Variants in GRIN2A observed in about 807,000 individuals in gnomAD.
The protein encoded by GRIN2A is glutamate ionotropic receptor NMDA type subunit 2A, also known as glutamate receptor ionotropic, NMDA 2A.
A neutral mutation model predicts 113.4 loss-of-function variants in GRIN2A; 22 were observed. That is an observed-to-expected ratio of 0.19 (90% CI 0.14 to 0.28). The LOEUF is 0.28. Among genes scored for constraint, GRIN2A ranks in the 10% least tolerant of loss-of-function variants. GRIN2A has a pLI of 1.00. For synonymous variants in GRIN2A, 827 were observed against 738.4 expected, an observed-to-expected ratio of 1.12 and a Z score of -1.94; for missense variants, 1,502 against 1,887.0, an observed-to-expected ratio of 0.80 and a Z score of 3.78.
chr16:10,018,641 A>G (rs1027321768), intron 2 of GRIN2A, among the ~76,000 whole-genome samples: 2 of 152,138 alleles, frequency 1.3e-5, no homozygotes, highest in South Asian at 4.1e-4. Flanking sequence ...GGGAAACTCT[A>G]TCCAGGGAGG....
chr16:10,052,093 T>C (rs1052431220), intron 2 of GRIN2A, among the ~76,000 whole-genome samples: 2 of 152,230 alleles, frequency 1.3e-5, no homozygotes, highest in African/African-American at 4.8e-5. Flanking sequence ...TAGTGGCCAG[T>C]AGACAATGGC....
intron 3 of GRIN2A, among the ~76,000 whole-genome samples, chr16:9,918,854 A>G (rs2044304230): frequency 6.6e-6 from 1 of 152,056 alleles, no homozygotes; most frequent in South Asian, 2.1e-4. Flanking sequence ...AACAAAATTA[A>G]ACCACTACGG....
Position 9,761,268 on chromosome 16 carries a change from G to A in GRIN2A, c.*1881C>T. 4.3e-6 allele frequency: 1 copy of A among 230,430 alleles called. No individual in the cohort carries two copies. The highest frequency in any genetic ancestry group is 8.6e-6 in the Non-Finnish European group (1 of 116,316). The allele number at this position is 230,430 out of a possible 1,614,324, so 14.3% of individuals were successfully genotyped here. A position where few individuals can be genotyped will look rare whatever the true frequency, so the allele number is the denominator to read the frequency against. ...ATCCCTGACACTTGCCCACATGCAA[G>A]AAAATAATACTTACAAAACAGAACG... is the stretch of plus-strand genomic sequence containing the variant. On this transcript the variant is annotated 3_prime_UTR_variant, in exon 13 of 13. Transcript: ENST00000330684.
intron 4 of GRIN2A, among the ~76,000 whole-genome samples, chr16:9,872,662 C>T (rs893003939): frequency 9.2e-5 from 14 of 152,120 alleles, no homozygotes; most frequent in African/African-American, 2.7e-4. Context: ...AATCCAATCA[C>T]GTCTTTTGCA....
intron 2 of GRIN2A, among the ~76,000 whole-genome samples, chr16:10,155,788 C>A (rs970005570): frequency 6.6e-6 from 1 of 152,120 alleles, no homozygotes; most frequent in African/African-American, 2.4e-5. Context: ...GGGGAACTCC[C>A]ATTTATAAAA....
intron 2 of GRIN2A, among the ~76,000 whole-genome samples, chr16:10,095,536 A>G (rs1218074306): frequency 6.6e-6 from 1 of 152,250 alleles, no homozygotes; most frequent in Non-Finnish European, 1.5e-5. Context: ...AGAAAACATC[A>G]ATGGATGCTA....
intron 10 of GRIN2A, among the ~76,000 whole-genome samples, chr16:9,811,198 A>G (rs542312726): frequency 6.6e-6 from 1 of 152,304 alleles, no homozygotes; most frequent in South Asian, 2.1e-4. Flanking sequence ...CGACCTTGTA[A>G]CAGATAGGTA....
At chr16:10,097,190 G>A (rs748606566) in intron 2 of GRIN2A, among the ~76,000 whole-genome samples, 3 of 152,086 alleles carry the variant, frequency 2.0e-5, no homozygotes, top group Non-Finnish European at 4.4e-5. Context: ...TGGTCTTCGT[G>A]GTATATATTT....
chr16:10,004,065 T>C (rs2046365203), intron 2 of GRIN2A, among the ~76,000 whole-genome samples: 1 of 151,934 alleles, frequency 6.6e-6, no homozygotes, highest in Admixed American at 6.6e-5. Context: ...GCTGGGAAAG[T>C]TTCACGGAGA....
chr16:10,123,775 A>C (rs959049391), intron 2 of GRIN2A, among the ~76,000 whole-genome samples: 2 of 152,114 alleles, frequency 1.3e-5, no homozygotes, highest in African/African-American at 4.8e-5. Flanking sequence ...TGAGCTTTCA[A>C]ACTCTGTAAT....
At chr16:9,986,490 T>C (rs914607396) in intron 2 of GRIN2A, among the ~76,000 whole-genome samples, 1 of 151,748 alleles carries the variant, frequency 6.6e-6, no homozygotes, top group Admixed American at 6.6e-5. Flanking sequence ...ATGGGCCGAG[T>C]GCGGTGGCTC....
chr16:9,997,603 T>C (rs553295033), intron 2 of GRIN2A, among the ~76,000 whole-genome samples: 1 of 152,314 alleles, frequency 6.6e-6, no homozygotes, highest in South Asian at 2.1e-4. Flanking sequence ...ACATGTTTGT[T>C]GTGTATCCAC....
At chr16:10,075,420 G>A (rs2047850757) in intron 2 of GRIN2A, among the ~76,000 whole-genome samples, 1 of 152,066 alleles carries the variant, frequency 6.6e-6, no homozygotes, top group Non-Finnish European at 1.5e-5. Context: ...AAGTAGAATA[G>A]TAGTTACCAG....
rs902766498 is a variant in GRIN2A at position 9,759,128 on chromosome 16, C to A, written c.*4021G>T. ...ATGTGCATAATGTTAACGAATATAT[C>A]CAGCTCCTCTGTAAGGTATTTAGAG... is the stretch of plus-strand genomic sequence containing the variant. On this transcript the variant is annotated 3_prime_UTR_variant, in exon 13 of 13. Transcript: ENST00000330684. 2.8e-5 allele frequency: 6 copies of A among 217,558 alleles called. No individual in the cohort carries two copies. The highest frequency in any genetic ancestry group is 1.1e-4 in the African/African-American group (5 of 44,490). The allele number at this position is 217,558 out of a possible 1,614,324, so 13.5% of individuals were successfully genotyped here. A position where few individuals can be genotyped will look rare whatever the true frequency, so the allele number is the denominator to read the frequency against.
intron 2 of GRIN2A, among the ~76,000 whole-genome samples, chr16:10,144,413 T>C (rs952786405): frequency 6.6e-6 from 1 of 152,216 alleles, no homozygotes; most frequent in Non-Finnish European, 1.5e-5. Flanking sequence ...TGATGATTAA[T>C]GATGTTGAGA....
chr16:9,958,572 T>C (rs1390282559), intron 2 of GRIN2A, among the ~76,000 whole-genome samples: 2 of 152,044 alleles, frequency 1.3e-5, no homozygotes, highest in South Asian at 2.1e-4. Flanking sequence ...CTGAAGCAAA[T>C]AGTCTGCAAA....
intron 2 of GRIN2A, among the ~76,000 whole-genome samples, chr16:10,145,593 T>C (rs1450877117): frequency 2.0e-5 from 3 of 152,328 alleles, no homozygotes; most frequent in Middle Eastern, 3.4e-3. Context: ...TATTCTTGTA[T>C]GTTTGCTAAT....
Position 9,768,923 on chromosome 16 carries a change from G to A in GRIN2A, c.2523C>T (p.Phe841=), listed in dbSNP as rs7200180. ...SLITFIWEHL[F]YWKLRFCFTG... is the part of the protein sequence containing the mutation. ...TGAAACAGAAGCGCAGCTTCCAGTA[G>A]AAGAGGTGCTCCCAGATGAAGGTGA... The change falls in exon 12 of 13, where the codon TTC becomes TTT. Residue 841 remains phenylalanine, a synonymous_variant. Transcript: ENST00000330684. The A allele has an allele frequency of 4.3e-6, 7 of 1,614,230 alleles. No individual in the cohort carries two copies. The highest frequency in any genetic ancestry group is 5.1e-6 in the Non-Finnish European group (6 of 1,180,024).
At chr16:9,980,831 A>T (rs1448679437) in intron 2 of GRIN2A, among the ~76,000 whole-genome samples, 1 of 98,226 alleles carries the variant, frequency 1.0e-5, no homozygotes, top group Non-Finnish European at 1.9e-5. Flanking sequence ...CACACCAGGG[A>T]CTGTTGTGGG....
Sources: allele counts gnomAD v4.1 joint callset (sites outside exome capture counted in the v4.1 genomes callset), GRCh38; gene constraint gnomAD v4.1.1; transcripts MANE v1.5; gene names NCBI Gene and HGNC (gene_info 2026-07-23, HGNC 2026-07-21).